RRBP1: variants seen among roughly 807,000 people sequenced by gnomAD.
The protein encoded by RRBP1 is ribosome-binding protein 1.
Under a neutral mutation model 165.2 loss-of-function variants are expected in RRBP1, and 94 were observed. The observed-to-expected ratio is 0.57, with a 90% CI of 0.48 to 0.68. The LOEUF is 0.68. Among genes scored for constraint, RRBP1 ranks in the 30% least tolerant of loss-of-function variants. The pLI is 0.00. For synonymous variants in RRBP1, 680 were observed against 714.5 expected, an observed-to-expected ratio of 0.95 and a Z score of 0.77; for missense variants, 1,676 against 1,763.0, an observed-to-expected ratio of 0.95 and a Z score of 0.88.
chr20:17,678,383 G>A (rs1374871535), intron 2 of RRBP1, among the ~76,000 whole-genome samples: 1 of 152,220 alleles, frequency 6.6e-6, no homozygotes, highest in Non-Finnish European at 1.5e-5. Flanking sequence ...CTCCAGGAAA[G>A]GGCCACTATC....
Position 17,643,197 on chromosome 20 carries a change from T to G in RRBP1, c.1913-70A>C. The G allele has an allele frequency of 8.5e-6, 13 of 1,529,392 alleles. No individual in the cohort carries two copies. The highest frequency in any genetic ancestry group is 1.2e-5 in the Non-Finnish European group (13 of 1,124,328). The allele number at this position is 1,529,392 out of a possible 1,614,324, so 94.7% of individuals were successfully genotyped here. On this transcript the variant is annotated intron_variant, in intron 3 of 24. Coordinates refer to ENST00000377813, the MANE Select transcript of RRBP1 (RefSeq NM_001365613.2). The surrounding 1 kb of genome is among the most constrained non-coding windows in gnomAD (Gnocchi z 4.3). ...ACAACACACGTGGCCACAATGCCCA[T>G]CACACCAAGAAGGTTCTGGTCACAG...
rs766730557 is a variant in RRBP1 at position 17,625,617 on chromosome 20, C to T, written c.2964-15G>A. 4.3e-5 allele frequency: 69 copies of T among 1,609,596 alleles called. No individual in the cohort carries two copies. The highest frequency in any genetic ancestry group is 2.1e-4 in the African/African-American group (16 of 74,822). ...GCTCCTTGAGGCTGAAGGGACACAA[C>T]GAGGTCACCGCCTAGGCTCCAAGGG... On this transcript the variant is annotated splice_polypyrimidine_tract_variant and intron_variant, in intron 11 of 24. Transcript: ENST00000377813.
At chr20:17,662,991 CAT>C (rs1212538858) in intron 2 of RRBP1, among the ~76,000 whole-genome samples, 1 of 152,090 alleles carries the variant, frequency 6.6e-6, no homozygotes, top group Non-Finnish European at 1.5e-5. Flanking sequence ...ACCCAGGCAA[CAT>C]AGTGAGACCC....
chr20:17,638,255 T>C (rs1166626243), intron 5 of RRBP1, among the ~76,000 whole-genome samples: 2 of 152,226 alleles, frequency 1.3e-5, no homozygotes, highest in African/African-American at 2.4e-5. Context: ...GCCGCTCTCT[T>C]TGCTGAGTTT....
In RRBP1 at chr20:17,643,193, C is replaced by T; in HGVS notation, c.1913-66G>A. On this transcript the variant is annotated intron_variant, in intron 3 of 24. Transcript: ENST00000377813. The surrounding 1 kb of genome is among the most constrained non-coding windows in gnomAD (Gnocchi z 4.3). The stretch of plus-strand genomic sequence containing the variant: ...AGCCACAACACACGTGGCCACAATG[C>T]CCATCACACCAAGAAGGTTCTGGTC... The T allele has an allele frequency of 6.5e-7, 1 of 1,532,148 alleles. No individual in the cohort carries two copies. The allele number at this position is 1,532,148 out of a possible 1,614,324, so 94.9% of individuals were successfully genotyped here.
At chr20:17,650,398 C>T (rs936958916) in intron 3 of RRBP1, among the ~76,000 whole-genome samples, 1 of 152,156 alleles carries the variant, frequency 6.6e-6, no homozygotes, top group African/African-American at 2.4e-5. Context: ...CAGAGTAAAA[C>T]TGGCTTGCAT....
intron 12 of RRBP1, 34 bp from the exon 13 acceptor site, chr20:17,624,702 G>T: frequency 6.9e-7 from 1 of 1,442,858 alleles, no homozygotes; most frequent in Non-Finnish European, 9.5e-7. Flanking sequence ...TCAGCAGCCT[G>T]CACTGGCAGC....
At position 17,627,593 on chromosome 20, in the gene RRBP1, T is replaced by C. The variant is rs779867855; in HGVS notation, c.2839A>G (p.Arg947Gly). ...SGLHGQLQEA[R>G]AENSQLTERI... ...TCTGTGAGCTGGGAGTTCTCCGCCC[T>C]GGCCTCCTGGAGCTGCCCGTGGAGG... Residue 947 changes from arginine to glycine, a missense_variant, in exon 10 of 25, where the codon AGG (arginine) becomes GGG (glycine). Arg to Gly is a moderately radical substitution (Grantham distance 125). This residue lies in a region of RRBP1 where 1,184 missense variants were observed against 1,167.1 expected (regional missense o/e 1.01). Coordinates refer to ENST00000377813, the MANE Select transcript of RRBP1 (RefSeq NM_001365613.2). 1.9e-6 allele frequency: 3 copies of C among 1,613,426 alleles called. No individual in the cohort carries two copies. Among genetic ancestry groups the C allele is most frequent in the African/African-American group, 2.7e-5 (2 of 74,936 alleles).
At chr20:17,676,095 G>A (rs1049525944) in intron 2 of RRBP1, among the ~76,000 whole-genome samples, 1 of 152,216 alleles carries the variant, frequency 6.6e-6, no homozygotes, top group African/African-American at 2.4e-5. Context: ...TGTGGTACCA[G>A]CTACCCAGGA....
intron 1 of RRBP1, among the ~76,000 whole-genome samples, chr20:17,681,630 T>C (rs2037190616): frequency 7.1e-6 from 1 of 141,276 alleles, no homozygotes; most frequent in African/African-American, 2.6e-5. Flanking sequence ...CTCCGCCAGC[T>C]GTGCGCCGCC....
In RRBP1 at chr20:17,635,649, C is replaced by A; in HGVS notation, c.2353G>T (p.Glu785Ter). 3.1e-6 allele frequency: 5 copies of A among 1,613,384 alleles called. No homozygotes were observed. Among genetic ancestry groups the A allele is most frequent in the Non-Finnish European group, 4.2e-6 (5 of 1,179,824 alleles). ...QLQGKIRTLQ[E>*]QLENGPNTQL... ...GTGTTGGGGCCATTCTCCAGCTGCT[C>A]CTGAAGAGTCCGGATCTGGAAAGTC... is the stretch of plus-strand genomic sequence containing the variant. The change falls in exon 7 of 25, where the codon GAG becomes TAG. Residue 785 changes from glutamate to a stop codon, truncating the protein, a stop_gained. Transcript: ENST00000377813. LOFTEE classifies it high-confidence loss of function.
chr20:17,614,157 T>G lies in RRBP1; in HGVS notation c.*25A>C. 2 of 1,612,868 alleles carry G rather than the reference T, an allele frequency of 1.2e-6. No individual in the cohort carries two copies. Among genetic ancestry groups the G allele is most frequent in the Non-Finnish European group, 1.7e-6 (2 of 1,178,916 alleles). ...TAAGGCATTTTGGTAAGTTGAACAGTAACTTCTTTTTCCAAAGAGGAAACT... is the reference window on the plus strand; with the variant it reads ...TAAGGCATTTTGGTAAGTTGAACAGGAACTTCTTTTTCCAAAGAGGAAACT... On this transcript the variant is annotated 3_prime_UTR_variant, in exon 25 of 25. Coordinates refer to ENST00000377813, the MANE Select transcript of RRBP1 (RefSeq NM_001365613.2).
At chr20:17,669,574 T>C (rs1326585917) in intron 2 of RRBP1, among the ~76,000 whole-genome samples, 1 of 152,230 alleles carries the variant, frequency 6.6e-6, no homozygotes, top group Non-Finnish European at 1.5e-5. Flanking sequence ...CAATATCATA[T>C]CAGCATCGTA....
intron 2 of RRBP1, 94 bp downstream of exon 2, chr20:17,679,905 T>TC (rs1298781173): frequency 6.6e-6 from 1 of 152,082 alleles, no homozygotes; most frequent in African/African-American, 2.4e-5. Context: ...TGGTTTCCCC[T>TC]CCCCCAACCT....
intron 5 of RRBP1, among the ~76,000 whole-genome samples, chr20:17,640,941 C>A (rs945937704): frequency 2.6e-5 from 4 of 152,250 alleles, no homozygotes; most frequent in Non-Finnish European, 4.4e-5. Context: ...AGGCCCTCCC[C>A]CTGCGCCCGC....
At chr20:17,668,748 A>C (rs982549071) in intron 2 of RRBP1, among the ~76,000 whole-genome samples, 1 of 152,216 alleles carries the variant, frequency 6.6e-6, no homozygotes, top group African/African-American at 2.4e-5. Context: ...TCTCAGACAA[A>C]ATCCCATTCC....
Position 17,641,913 on chromosome 20 carries a change from G to C in RRBP1, c.2068C>G (p.Gln690Glu), listed in dbSNP as rs1437857246. The C allele has an allele frequency of 7.4e-6, 12 of 1,613,610 alleles. No individual in the cohort carries two copies. The highest frequency in any genetic ancestry group is 1.0e-5 in the Non-Finnish European group (12 of 1,179,630). Residue 690 changes from glutamine to glutamate, a missense_variant, in exon 5 of 25, where the codon CAG (glutamine) becomes GAG (glutamate). Transcript: ENST00000377813. The part of the protein sequence containing the change: ...IIQDTWHKAT[Q>E]KGDPVAILKR... ...AGAATCGCCACAGGGTCACCCTTCT[G>C]AGTGGCCTAGAAATACCCAGAGATG...
rs1300523211 is a variant in RRBP1 at position 17,667,638 on chromosome 20, T to C, written c.-21-7110A>G. ...ACCACCTACAAGGTCTTAGGTCTGC[T>C]GCCCTTCCCCATGACATGAGCCCCC... On this transcript the variant is annotated intron_variant, in intron 2 of 24. Coordinates refer to ENST00000377813, the MANE Select transcript of RRBP1 (RefSeq NM_001365613.2). Among the ~76,000 whole-genome samples the C allele has an allele frequency of 2.6e-5, 4 of 152,360 alleles. No homozygotes were observed. In the East Asian group the frequency reaches 7.7e-4, roughly 29 times the overall value.
At chr20:17,637,584 C>G (rs1329175877) in intron 5 of RRBP1, among the ~76,000 whole-genome samples, 1 of 152,222 alleles carries the variant, frequency 6.6e-6, no homozygotes, top group African/African-American at 2.4e-5. Flanking sequence ...GCTCCATGGG[C>G]AGTGGGCCAG....
Sources: allele counts gnomAD v4.1 joint callset (sites outside exome capture counted in the v4.1 genomes callset), GRCh38; gene constraint gnomAD v4.1.1; regional missense constraint gnomAD v4.1.1; non-coding constraint Gnocchi (gnomAD v3.1); transcripts MANE v1.5; gene names NCBI Gene and HGNC (gene_info 2026-07-23, HGNC 2026-07-21).